Variants in SYT1 observed in about 807,000 individuals in gnomAD.
SYT1 encodes the protein synaptotagmin 1.
SYT1 carries 8 observed loss-of-function variants against 44.8 expected under a neutral mutation model. The ratio of observed to expected loss-of-function variants is 0.18; its 90% CI spans 0.10 to 0.32. The LOEUF (loss-of-function observed/expected upper bound fraction) is 0.32. SYT1 is among the 10% of genes least tolerant of loss of function. SYT1 has a pLI of 1.00. For missense variants in SYT1, 286 were observed against 509.3 expected (o/e 0.56, Z 4.22); for synonymous variants, 154 against 188.8 (o/e 0.82, Z 1.51).
At chr12:79,026,702 T>TATATATATATAAAAAA (rs34140383) in intron 2 of SYT1, among the ~76,000 whole-genome samples, 11 of 125,306 alleles carry the variant, frequency 8.8e-5, no homozygotes, top group African/African-American at 2.4e-4. Flanking sequence ...TATATATATA[T>TATATATATATAAAAAA]CACACTTTCA....
chr12:79,209,328 A>AT (rs932442142), intron 3 of SYT1, among the ~76,000 whole-genome samples: 6 of 152,126 alleles, frequency 3.9e-5, no homozygotes, highest in Non-Finnish European at 7.4e-5. Flanking sequence ...ACAGTGGTTC[A>AT]TTTTTTTTCC....
intron 8 of SYT1, among the ~76,000 whole-genome samples, chr12:79,349,277 T>C (rs2135996583): frequency 6.6e-6 from 1 of 151,760 alleles, no homozygotes; most frequent in Non-Finnish European, 1.5e-5. Context: ...GTGGGTTAAA[T>C]GAATAAAGGA....
intron 3 of SYT1, among the ~76,000 whole-genome samples, chr12:79,088,263 T>C (rs775007808): frequency 3.3e-5 from 5 of 152,044 alleles, no homozygotes; most frequent in African/African-American, 1.2e-4. Context: ...ATTTTCTAGA[T>C]AACAAGAAGT....
chr12:79,313,894 G>T (rs573914194), intron 8 of SYT1, among the ~76,000 whole-genome samples: 2 of 148,954 alleles, frequency 1.3e-5, no homozygotes, highest in Non-Finnish European at 2.9e-5. Context: ...GCGGGGCCGG[G>T]CGCGGTGGCT....
At chr12:79,175,234 G>A (rs1202393232) in intron 3 of SYT1, among the ~76,000 whole-genome samples, 1 of 151,988 alleles carries the variant, frequency 6.6e-6, no homozygotes, top group African/African-American at 2.4e-5. Flanking sequence ...TAACATCTGC[G>A]ACATAGGCCT....
At chr12:79,263,270 ATT>A (rs34435501) in intron 4 of SYT1, among the ~76,000 whole-genome samples, 11,297 of 139,836 alleles carry the variant, frequency 0.081, 638 homozygotes, top group African/African-American at 0.17. Flanking sequence ...TCTTCTGGTG[ATT>A]TTTTTTTTTT....
intron 9 of SYT1, among the ~76,000 whole-genome samples, chr12:79,390,954 C>T (rs745504450): frequency 1.3e-5 from 2 of 152,142 alleles, no homozygotes; most frequent in Non-Finnish European, 2.9e-5. Context: ...AGATTCCTGC[C>T]ATCTGTGTGG....
At chr12:79,044,010 G>C (rs1459628337) in intron 2 of SYT1, among the ~76,000 whole-genome samples, 5 of 152,148 alleles carry the variant, frequency 3.3e-5, no homozygotes, top group African/African-American at 1.2e-4. Flanking sequence ...TTAGTCTGAT[G>C]GGCTTCCCTT....
At chr12:79,271,732 A>C (rs1224995705) in intron 4 of SYT1, among the ~76,000 whole-genome samples, 1 of 152,178 alleles carries the variant, frequency 6.6e-6, no homozygotes, top group Non-Finnish European at 1.5e-5. Context: ...TTTTCAACAA[A>C]AGACTTGCTA....
intron 3 of SYT1, among the ~76,000 whole-genome samples, chr12:79,144,549 T>A (rs1177538570): frequency 6.6e-6 from 1 of 152,124 alleles, no homozygotes; most frequent in Non-Finnish European, 1.5e-5. Context: ...CAATTCCCAT[T>A]TACAAACAAA....
At chr12:79,160,833 G>A (rs1162620764) in intron 3 of SYT1, among the ~76,000 whole-genome samples, 1 of 152,070 alleles carries the variant, frequency 6.6e-6, no homozygotes, top group African/African-American at 2.4e-5. Context: ...AATAGTAAAG[G>A]TTTCAAGCAT....
intron 8 of SYT1, among the ~76,000 whole-genome samples, chr12:79,327,473 C>T (rs1881656538): frequency 6.6e-6 from 1 of 152,176 alleles, no homozygotes; most frequent in Non-Finnish European, 1.5e-5. Context: ...CAAAAATACC[C>T]ATGCCCTATT....
chr12:79,240,373 AT>A (rs1876433153), intron 4 of SYT1, among the ~76,000 whole-genome samples: 1 of 152,188 alleles, frequency 6.6e-6, no homozygotes, highest in Non-Finnish European at 1.5e-5. Context: ...GTGTCATTCC[AT>A]TATAGCCACT....
chr12:79,095,415 G>A (rs947482990), intron 3 of SYT1, among the ~76,000 whole-genome samples: 1 of 151,224 alleles, frequency 6.6e-6, no homozygotes, highest in Admixed American at 6.6e-5. Context: ...AGTCTTTAAG[G>A]GTAACAGTTA....
At chr12:79,267,583 A>T (rs1019596858) in intron 4 of SYT1, among the ~76,000 whole-genome samples, 2 of 152,220 alleles carry the variant, frequency 1.3e-5, no homozygotes. Flanking sequence ...CTCAAGAAAG[A>T]CATACTGAAA....
intron 3 of SYT1, among the ~76,000 whole-genome samples, chr12:79,151,575 G>T (rs970884721): frequency 5.3e-5 from 8 of 152,104 alleles, no homozygotes; most frequent in African/African-American, 2.4e-5. Context: ...ATGACAAAAG[G>T]TTGGACTGGA....
At position 79,408,272 on chromosome 12, in the gene SYT1, G is replaced by A. The variant is rs577408507; in HGVS notation, c.929-35801G>A. 1.5e-4 allele frequency among the ~76,000 whole-genome samples: 23 copies of A among 152,240 alleles called. No homozygotes were observed. In the East Asian group the frequency reaches 4.1e-3, roughly 27 times the overall value. ...TAATATGCCCAAGATCCCAGACCTTGCTGAATTTCACAACTATTGAAGAAT... is the reference window on the plus strand; with the variant it reads ...TAATATGCCCAAGATCCCAGACCTTACTGAATTTCACAACTATTGAAGAAT... On this transcript the variant is annotated intron_variant, in intron 9 of 10. Coordinates refer to ENST00000261205, the MANE Select transcript of SYT1 (RefSeq NM_005639.3).
chr12:78,896,514 T>G (rs1288762310), intron 1 of SYT1, among the ~76,000 whole-genome samples: 1 of 151,756 alleles, frequency 6.6e-6, no homozygotes, highest in Non-Finnish European at 1.5e-5. Flanking sequence ...GAAACATGTT[T>G]TTAAGGAAAG....
At chr12:79,297,055 C>T (rs2138870120) in intron 7 of SYT1, among the ~76,000 whole-genome samples, 1 of 152,278 alleles carries the variant, frequency 6.6e-6, no homozygotes, top group South Asian at 2.1e-4. Flanking sequence ...ATCAGCCAGG[C>T]TTAGCATATG....
Sources: gnomAD v4.1 joint callset for allele counts (sites outside exome capture counted in the v4.1 genomes callset) on GRCh38, gnomAD v4.1.1 for gene constraint, MANE v1.5 for transcripts, NCBI Gene and HGNC (gene_info 2026-07-23, HGNC 2026-07-21) for gene names.